TFDP2: variants seen among roughly 807,000 people sequenced by gnomAD.
TFDP2 encodes the protein transcription factor Dp-2, also known as transcription factor Dp-2 (E2F dimerization partner 2).
TFDP2 carries 17 observed loss-of-function variants against 59.3 expected under a neutral mutation model. That is an observed-to-expected ratio of 0.29 (90% CI 0.20 to 0.43). The LOEUF (loss-of-function observed/expected upper bound fraction) is 0.43. TFDP2 is among the 20% of genes least tolerant of loss of function. TFDP2 has a pLI of 1.00. For synonymous variants in TFDP2, 180 were observed against 194.7 expected (o/e 0.92, Z 0.63); for missense variants, 391 against 528.8 (o/e 0.74, Z 2.56).
Position 142,008,089 on chromosome 3 carries a change from C to T in TFDP2, c.83-2545G>A, listed in dbSNP as rs1322869474. ...CTCAGTGATTCACAATACTGGCTGT[C>T]CGGTGGAATCACCTGGGGAACAATG... On this transcript the variant is annotated intron_variant, in intron 3 of 12. Transcript: ENST00000489671. 7.9e-5 allele frequency among the ~76,000 whole-genome samples: 12 copies of T among 152,230 alleles called. No homozygotes were observed. In the East Asian group the frequency reaches 1.9e-3, roughly 24 times the overall value.
chr3:142,127,601 G>C (rs761284714), intron 1 of TFDP2, among the ~76,000 whole-genome samples: 4 of 151,984 alleles, frequency 2.6e-5, no homozygotes, highest in African/African-American at 4.8e-5. Context: ...CTCCCAAAGT[G>C]CTGGGATTAC....
chr3:142,040,517 T>A (rs1946910245), intron 3 of TFDP2, among the ~76,000 whole-genome samples: 1 of 152,042 alleles, frequency 6.6e-6, no homozygotes, highest in Admixed American at 6.6e-5. Flanking sequence ...AACCTCTGCC[T>A]CCTGGGTTCA....
At chr3:142,003,447 G>T (rs1172544165) in intron 4 of TFDP2, among the ~76,000 whole-genome samples, 1 of 152,080 alleles carries the variant, frequency 6.6e-6, no homozygotes, top group Non-Finnish European at 1.5e-5. Context: ...CTTTTATAAG[G>T]TCACTAATCC....
chr3:142,028,452 G>T, intron 3 of TFDP2: 1 of 386,772 alleles, frequency 2.6e-6, no homozygotes, highest in Non-Finnish European at 3.2e-6. Flanking sequence ...TCTGCAACAA[G>T]CAAGGACGTC....
chr3:142,149,010 C>T (rs2063285816), intron 1 of TFDP2, among the ~76,000 whole-genome samples, 173 bp downstream of exon 1: 2 of 152,210 alleles, frequency 1.3e-5, no homozygotes, highest in Admixed American at 1.3e-4. Context: ...GACTCTGGCC[C>T]AGACACTCAC....
chr3:141,954,411 C>T (rs539127088), intron 11 of TFDP2, among the ~76,000 whole-genome samples: 3 of 151,906 alleles, frequency 2.0e-5, no homozygotes, highest in Non-Finnish European at 4.4e-5. Context: ...GAGGCCAAGG[C>T]GGGCAGATTG....
chr3:142,030,808 T>C (rs1227968411), intron 3 of TFDP2, among the ~76,000 whole-genome samples: 1 of 143,282 alleles, frequency 7.0e-6, no homozygotes, highest in Non-Finnish European at 1.5e-5. Context: ...AGTGGCGCGA[T>C]CTCGGCTCAC....
At chr3:142,063,678 A>C (rs762346477) in intron 3 of TFDP2, among the ~76,000 whole-genome samples, 1 of 152,244 alleles carries the variant, frequency 6.6e-6, no homozygotes, top group Non-Finnish European at 1.5e-5. Context: ...AAAAAGCAAC[A>C]AAATGAATAA....
chr3:142,047,492 CCT>C (rs1297716730), intron 3 of TFDP2, among the ~76,000 whole-genome samples: 2 of 152,070 alleles, frequency 1.3e-5, no homozygotes, highest in African/African-American at 2.4e-5. Flanking sequence ...CAGTCCACCC[CCT>C]GTCCCCCTAT....
At chr3:142,076,188 G>A (rs1286660119) in intron 3 of TFDP2, among the ~76,000 whole-genome samples, 3 of 148,734 alleles carry the variant, frequency 2.0e-5, no homozygotes, top group African/African-American at 7.5e-5. Flanking sequence ...TCCATCCTGG[G>A]CAACAGAGTG....
intron 3 of TFDP2, among the ~76,000 whole-genome samples, chr3:142,061,893 CA>C (rs1560101293): frequency 5.4e-5 from 2 of 37,370 alleles, no homozygotes; most frequent in African/African-American, 1.8e-4. Context: ...TCTCTCTACA[CA>C]CACACACACA....
Position 141,951,158 on chromosome 3 carries a change from A to G in TFDP2, c.*1355T>C, listed in dbSNP as rs1350149946. 3 of 152,208 alleles carry G rather than the reference A, an allele frequency of 2.0e-5. No individual in the cohort carries two copies. Among genetic ancestry groups the G allele is most frequent in the Non-Finnish European group, 2.9e-5 (2 of 68,038 alleles). 9.4% of individuals were successfully genotyped at this position (152,208 alleles called of 1,614,324 possible). ...GGGACAAATCCACATGATTCAGGTC[A>G]AAGTTTTGGAGTTAATTCTCCCATT... On this transcript the variant is annotated 3_prime_UTR_variant, in exon 13 of 13. Transcript: ENST00000489671.
chr3:141,967,447 CA>C (rs2107940194), intron 9 of TFDP2, among the ~76,000 whole-genome samples: 1 of 151,670 alleles, frequency 6.6e-6, no homozygotes, highest in South Asian at 2.1e-4. Flanking sequence ...CATGCGCCAC[CA>C]TGCCTGGCTA....
chr3:142,073,010 A>C (rs2060298511), intron 3 of TFDP2, among the ~76,000 whole-genome samples: 3 of 152,200 alleles, frequency 2.0e-5, no homozygotes, highest in South Asian at 4.1e-4. Flanking sequence ...ACTGTGGAGA[A>C]ACCTGACAAA....
At chr3:141,963,748 T>A in intron 10 of TFDP2, 64 bp downstream of exon 10, 1 of 1,533,590 alleles carries the variant, frequency 6.5e-7, no homozygotes, top group East Asian at 2.3e-5. Flanking sequence ...TTCTTGAGTT[T>A]GCAAATGATA....
chr3:142,134,675 A>C (rs2062654524), intron 1 of TFDP2, among the ~76,000 whole-genome samples: 1 of 152,088 alleles, frequency 6.6e-6, no homozygotes, highest in African/African-American at 2.4e-5. Context: ...ATCTGAGTTA[A>C]TTACTGCAGT....
intron 8 of TFDP2, among the ~76,000 whole-genome samples, chr3:141,970,605 G>C (rs1161158470): frequency 6.6e-6 from 1 of 152,240 alleles, no homozygotes; most frequent in African/African-American, 2.4e-5. Flanking sequence ...CACGCAGCTA[G>C]TGAATGGCAA....
chr3:141,976,958 T>C (rs1427507945), intron 7 of TFDP2, among the ~76,000 whole-genome samples: 1 of 151,210 alleles, frequency 6.6e-6, no homozygotes, highest in Non-Finnish European at 1.5e-5. Context: ...CTTGGAACTA[T>C]AAGAACTCTT....
chr3:142,000,009 A>C (rs1483417725), intron 4 of TFDP2, among the ~76,000 whole-genome samples: 1 of 152,190 alleles, frequency 6.6e-6, no homozygotes, highest in Non-Finnish European at 1.5e-5. Flanking sequence ...TGCTGGGATT[A>C]CAGGCGTGAG....
Sources: gnomAD v4.1 joint callset for allele counts (sites outside exome capture counted in the v4.1 genomes callset) on GRCh38, gnomAD v4.1.1 for gene constraint, MANE v1.5 for transcripts, NCBI Gene and HGNC (gene_info 2026-07-23, HGNC 2026-07-21) for gene names.